The following LEF1 variants were observed in gnomAD, a reference collection of about 807,000 sequenced individuals.
LEF1 encodes the protein lymphoid enhancer binding factor 1.
Under a neutral mutation model 51.2 loss-of-function variants are expected in LEF1, and 14 were observed. The observed-to-expected ratio is 0.27, with a 90% CI of 0.18 to 0.43. The LOEUF (loss-of-function observed/expected upper bound fraction) is 0.43. Among genes scored for constraint, LEF1 ranks in the 20% least tolerant of loss-of-function variants. The pLI, the probability that LEF1 is intolerant of heterozygous loss-of-function variation, is 1.00. For synonymous variants in LEF1, 185 were observed against 183.2 expected, an observed-to-expected ratio of 1.01 and a Z score of -0.08; for missense variants, 386 against 512.0, an observed-to-expected ratio of 0.75 and a Z score of 2.37.
intron 11 of LEF1, among the ~76,000 whole-genome samples, chr4:108,060,949 G>A (rs1737647113): frequency 1.3e-5 from 2 of 152,118 alleles, no homozygotes; most frequent in Non-Finnish European, 2.9e-5. Flanking sequence ...TACAACAAAG[G>A]AAGGGGTGGG....
At chr4:108,147,399 G>GT (rs563060887) in intron 3 of LEF1, among the ~76,000 whole-genome samples, 1 of 152,112 alleles carries the variant, frequency 6.6e-6, no homozygotes, top group Admixed American at 6.5e-5. Flanking sequence ...ATTATGAACG[G>GT]TTTTTTCATT....
At chr4:108,156,249 T>C (rs750576232) in intron 3 of LEF1, among the ~76,000 whole-genome samples, 16 of 152,158 alleles carry the variant, frequency 1.1e-4, no homozygotes, top group Admixed American at 2.0e-4. Context: ...GTCTAGTCCA[T>C]TCTTTATTTA....
rs942203397 is a variant in LEF1, at chr4:108,167,268, G to T, written c.213+287C>A. On this transcript the variant is annotated intron_variant, in intron 1 of 11. Transcript: ENST00000265165. This position sits in a 1 kb window ranked among gnomAD's most constrained non-coding sequence, Gnocchi z 5.7. ...CGAAGGCGAAACATTGTGGGTTCCTGCCCGCGAACCAACCGTTCAGCCACC... is the reference window on the plus strand; with the variant it reads ...CGAAGGCGAAACATTGTGGGTTCCTTCCCGCGAACCAACCGTTCAGCCACC... 6.6e-6 allele frequency among the ~76,000 whole-genome samples: 1 copy of T among 151,794 alleles called. No homozygotes were observed. Among genetic ancestry groups the T allele is most frequent in the African/African-American group, 2.4e-5 (1 of 41,296 alleles).
chr4:108,090,984 T>C (rs567095263), intron 3 of LEF1, among the ~76,000 whole-genome samples: 39 of 152,250 alleles, frequency 2.6e-4, no homozygotes, highest in African/African-American at 8.7e-4. Flanking sequence ...AAAAACACTA[T>C]AGTAATGGGT....
intron 9 of LEF1, among the ~76,000 whole-genome samples, chr4:108,066,731 T>C (rs1738105695): frequency 6.6e-6 from 1 of 152,196 alleles, no homozygotes; most frequent in Admixed American, 6.5e-5. Flanking sequence ...AAACCAAAAT[T>C]CATGTATGGT....
Position 108,161,217 on chromosome 4 carries a change from AT to A in LEF1, c.414+2350del, listed in dbSNP as rs1578411397. On this transcript the variant is annotated intron_variant, in intron 3 of 11. Transcript: ENST00000265165. ...GACACATTAAAAACAGCTGTTAGGT[AT>A]TAAAAACCAAAGATTGTAACTCACT... 2.6e-5 allele frequency among the ~76,000 whole-genome samples: 4 copies of A among 152,328 alleles called. No individual in the cohort carries two copies. In the East Asian group the frequency reaches 7.7e-4, roughly 29 times the overall value.
rs1051044109 is a variant in LEF1 at position 108,139,061 on chromosome 4, C to T, written c.414+24507G>A. Among the ~76,000 whole-genome samples the T allele has an allele frequency of 7.9e-5, 12 of 152,294 alleles. No homozygotes were observed. In the East Asian group the frequency reaches 1.7e-3, roughly 22 times the overall value. ...TAAAAATACAGACTGAGATTCCCTG[C>T]CATGGTATAATTGTAAGAAACTAGA... is the stretch of plus-strand genomic sequence containing the variant. On this transcript the variant is annotated intron_variant, in intron 3 of 11. Coordinates refer to ENST00000265165, the MANE Select transcript of LEF1 (RefSeq NM_016269.5).
chr4:108,089,195 A>C lies in LEF1; in HGVS notation c.477T>G (p.Thr159=), dbSNP rs777504285. 6.2e-7 allele frequency: 1 copy of C among 1,614,086 alleles called. No individual in the cohort carries two copies. Among genetic ancestry groups the C allele is most frequent in the South Asian group, 1.1e-5 (1 of 91,066 alleles). ...CTGGAGAAAAGTGCTCGTCACTGTA[A>C]GTGATGAGGGGGGTGAGAGGATGGA... ...HAVHPLTPLI[T]YSDEHFSPGS... is the part of the protein sequence containing the mutation. The change falls in exon 4 of 12, where the codon ACT becomes ACG. Residue 159 remains threonine (T), a synonymous_variant. Coordinates refer to ENST00000265165, the MANE Select transcript of LEF1 (RefSeq NM_016269.5).
intron 4 of LEF1, among the ~76,000 whole-genome samples, chr4:108,088,643 T>C (rs149428323): frequency 6.6e-6 from 1 of 152,364 alleles, no homozygotes; most frequent in African/African-American, 2.4e-5. Flanking sequence ...AGAGGTTTTA[T>C]ACATCAATGA....
chr4:108,133,485 G>A (rs1353826603), intron 3 of LEF1, among the ~76,000 whole-genome samples: 2 of 152,300 alleles, frequency 1.3e-5, no homozygotes, highest in Admixed American at 6.5e-5. Flanking sequence ...GGCCAGGGCT[G>A]TAAGCTCAGT....
intron 3 of LEF1, among the ~76,000 whole-genome samples, chr4:108,117,711 C>T (rs770826131): frequency 7.3e-5 from 11 of 151,500 alleles, no homozygotes; most frequent in Non-Finnish European, 1.2e-4. Flanking sequence ...AGAAGCTTTG[C>T]GGGGAGGGGG....
At chr4:108,162,081 C>T (rs1370059719) in intron 3 of LEF1, among the ~76,000 whole-genome samples, 2 of 152,118 alleles carry the variant, frequency 1.3e-5, no homozygotes, top group Non-Finnish European at 2.9e-5. Flanking sequence ...AAATATTAAA[C>T]TATTTTTGCT....
intron 3 of LEF1, among the ~76,000 whole-genome samples, chr4:108,147,151 G>A (rs990633506): frequency 3.3e-5 from 5 of 152,070 alleles, no homozygotes; most frequent in Non-Finnish European, 7.4e-5. Context: ...AAACAGGCTT[G>A]AAGAAGTTAG....
chr4:108,083,786 G>A (rs1010291278), intron 4 of LEF1, among the ~76,000 whole-genome samples: 3 of 151,742 alleles, frequency 2.0e-5, no homozygotes, highest in Admixed American at 1.3e-4. Context: ...GAATGAGAAT[G>A]TTTTTTTGTA....
At position 108,157,221 on chromosome 4, in the gene LEF1, A is replaced by ACACACAC. The variant is rs1430240760; in HGVS notation, c.414+6346_414+6347insGTGTGTG. Among the ~76,000 whole-genome samples, 195 of 51,430 alleles carry ACACACAC rather than the reference A, an allele frequency of 3.8e-3. 2 individuals carry two copies. The highest frequency in any genetic ancestry group is 0.014 in the Admixed American group (82 of 5,718). 33.7% of individuals were successfully genotyped at this position (51,430 alleles called of 152,430 possible). ...ACACACACACACACACACACACACA[A>ACACACAC]ACACACATATAGCTCTTTCGCCCAG... On this transcript the variant is annotated intron_variant, in intron 3 of 11. Transcript: ENST00000265165.
At chr4:108,156,213 T>C (rs1456697814) in intron 3 of LEF1, among the ~76,000 whole-genome samples, 9 of 152,300 alleles carry the variant, frequency 5.9e-5, no homozygotes, top group African/African-American at 1.4e-4. Flanking sequence ...AGATAAGTAC[T>C]TCCTAAGATA....
chr4:108,139,567 C>CCTGGCCCTG (rs1241787824), intron 3 of LEF1, among the ~76,000 whole-genome samples: 5 of 152,166 alleles, frequency 3.3e-5, no homozygotes, highest in African/African-American at 7.2e-5. Flanking sequence ...GGACCTCCAC[C>CCTGGCCCTG]CTGGCCCTGC....
chr4:108,138,281 ATTG>A (rs1348774539), intron 3 of LEF1, among the ~76,000 whole-genome samples: 1 of 152,256 alleles, frequency 6.6e-6, no homozygotes, highest in African/African-American at 2.4e-5. Context: ...ATGGAATGGA[ATTG>A]TTATTTTCCA....
intron 9 of LEF1, among the ~76,000 whole-genome samples, chr4:108,065,539 G>A (rs746538114): frequency 3.9e-5 from 6 of 152,214 alleles, no homozygotes; most frequent in East Asian, 3.9e-4. Flanking sequence ...TTGATGTGCC[G>A]TTTCTCAGGG....
Sources: gnomAD v4.1 joint callset for allele counts (sites outside exome capture counted in the v4.1 genomes callset) on GRCh38, gnomAD v4.1.1 for gene constraint, Gnocchi (gnomAD v3.1) non-coding constraint, MANE v1.5 for transcripts, NCBI Gene and HGNC (gene_info 2026-07-23, HGNC 2026-07-21) for gene names.